Variants in SIL1 observed in about 807,000 individuals in gnomAD.
SIL1 encodes nucleotide exchange factor SIL1.
In SIL1, 40 loss-of-function variants were observed where a neutral mutation model predicts 49.1. That is an observed-to-expected ratio of 0.81 (90% CI 0.63 to 1.06). The LOEUF (loss-of-function observed/expected upper bound fraction) is 1.06, where lower values mean the gene tolerates loss of function less well. Ranked by LOEUF, SIL1 falls within the 50% of genes least tolerant of loss-of-function variation. SIL1 has a pLI of 0.00. For synonymous variants in SIL1, 253 were observed against 250.8 expected (o/e 1.01, Z -0.08); for missense variants, 500 against 572.6 (o/e 0.87, Z 1.29).
Position 139,148,200 on chromosome 5 carries a change from T to C in SIL1, c.-10-20347A>G, listed in dbSNP as rs567854583. 5.3e-5 allele frequency among the ~76,000 whole-genome samples: 8 copies of C among 151,876 alleles called. No individual in the cohort carries two copies. In the East Asian group the frequency reaches 9.7e-4, roughly 18 times the overall value. On this transcript the variant is annotated intron_variant, in intron 1 of 9. Transcript: ENST00000394817. ...TTTAAGAGTGGTATATCACAAAACA[T>C]TCAGGCATGTGTACAGGGGGTACAC...
At chr5:139,143,368 GT>G (rs1751131397) in intron 1 of SIL1, among the ~76,000 whole-genome samples, 2 of 116,384 alleles carry the variant, frequency 1.7e-5, no homozygotes, top group Admixed American at 1.7e-4. Flanking sequence ...TATATATATG[GT>G]TTTTTGTTTT....
intron 3 of SIL1, among the ~76,000 whole-genome samples, chr5:139,073,017 C>T (rs922190674): frequency 6.6e-6 from 1 of 152,278 alleles, no homozygotes; most frequent in Admixed American, 6.5e-5. Flanking sequence ...TATCACCAGA[C>T]ACCTGTCAGA....
In SIL1 at chr5:138,946,990, G is replaced by T; in HGVS notation, c.*127C>A. On this transcript the variant is annotated 3_prime_UTR_variant, in exon 10 of 10. Coordinates refer to ENST00000394817, the MANE Select transcript of SIL1 (RefSeq NM_022464.5). The stretch of plus-strand genomic sequence containing the variant: ...CACAGACACACAGCAGAAAGAGGAT[G>T]GCCTTCAGGTTTCCATTTAATGGCC... 4.0e-6 allele frequency: 3 copies of T among 753,284 alleles called. No homozygotes were observed. Among genetic ancestry groups the T allele is most frequent in the Non-Finnish European group, 7.1e-6 (3 of 423,766 alleles). The allele number at this position is 753,284 out of a possible 1,614,324, so 46.7% of individuals were successfully genotyped here. A position where few individuals can be genotyped will look rare whatever the true frequency, so the allele number is the denominator to read the frequency against.
chr5:139,154,954 T>C (rs1751379634), intron 1 of SIL1, among the ~76,000 whole-genome samples: 1 of 152,120 alleles, frequency 6.6e-6, no homozygotes. Context: ...AAGACAAGTA[T>C]GAAAAACAAG....
intron 3 of SIL1, among the ~76,000 whole-genome samples, chr5:139,057,081 C>A (rs1472439946): frequency 1.3e-5 from 2 of 151,810 alleles, no homozygotes; most frequent in East Asian, 1.9e-4. Flanking sequence ...ATTAAGGGCG[C>A]TGCAAGATGT....
intron 1 of SIL1, among the ~76,000 whole-genome samples, chr5:139,192,024 G>A (rs954139764): frequency 4.2e-5 from 6 of 144,084 alleles, no homozygotes; most frequent in Middle Eastern, 4.0e-3. Context: ...GCAGTGAGCC[G>A]AGATTGTGCC....
chr5:138,995,179 T>C (rs1327237095), intron 7 of SIL1, among the ~76,000 whole-genome samples: 1 of 152,202 alleles, frequency 6.6e-6, no homozygotes, highest in African/African-American at 2.4e-5. Flanking sequence ...ACATGTGCTA[T>C]TTATTACATT....
chr5:138,970,880 T>C (rs1281206958), intron 7 of SIL1, among the ~76,000 whole-genome samples: 1 of 151,124 alleles, frequency 6.6e-6, no homozygotes. Context: ...ATTGCGCCAC[T>C]GCACTCCAGC....
chr5:139,144,669 G>A (rs1017741753), intron 1 of SIL1, among the ~76,000 whole-genome samples: 16 of 152,150 alleles, frequency 1.1e-4, no homozygotes, highest in African/African-American at 2.7e-4. Flanking sequence ...TCAGGAGTTC[G>A]AAACCAGCCT....
At chr5:139,071,618 A>G (rs1769835315) in intron 3 of SIL1, among the ~76,000 whole-genome samples, 1 of 151,976 alleles carries the variant, frequency 6.6e-6, no homozygotes, top group South Asian at 2.1e-4. Flanking sequence ...ATACATTTCT[A>G]TAATTAGGAT....
chr5:139,121,848 G>C (rs1036448424), intron 2 of SIL1, among the ~76,000 whole-genome samples: 1 of 152,306 alleles, frequency 6.6e-6, no homozygotes, highest in Non-Finnish European at 1.5e-5. Flanking sequence ...AGAACATAGA[G>C]GATTAATGAG....
At chr5:139,079,383 C>G (rs1770022751) in intron 3 of SIL1, among the ~76,000 whole-genome samples, 1 of 152,218 alleles carries the variant, frequency 6.6e-6, no homozygotes, top group Admixed American at 6.5e-5. Context: ...CACTACATCT[C>G]TTCTGAGGAC....
intron 3 of SIL1, among the ~76,000 whole-genome samples, chr5:139,117,276 G>A (rs531773137): frequency 1.8e-4 from 28 of 152,212 alleles, no homozygotes; most frequent in Non-Finnish European, 3.7e-4. Context: ...GGGGCTTAGA[G>A]CCAGACAAAT....
At chr5:139,044,611 A>G (rs945566920) in intron 4 of SIL1, among the ~76,000 whole-genome samples, 16 of 152,310 alleles carry the variant, frequency 1.1e-4, no homozygotes, top group African/African-American at 3.6e-4. Flanking sequence ...ACCTAAGTCT[A>G]TGTTTTCTAC....
rs542364814 is a variant in SIL1 at position 139,166,336 on chromosome 5, A to G, written c.-11+31933T>C. ...TAGTATTTACCATTAAATACTTCTT[A>G]TTGCTATTTTAGAGGGTACTCATTC... On this transcript the variant is annotated intron_variant, in intron 1 of 9. Coordinates refer to ENST00000394817, the MANE Select transcript of SIL1 (RefSeq NM_022464.5). 6.6e-5 allele frequency among the ~76,000 whole-genome samples: 10 copies of G among 152,132 alleles called. No individual in the cohort carries two copies. In the South Asian group the frequency reaches 2.1e-3, roughly 32 times the overall value.
At chr5:138,964,804 A>T (rs1416399932) in intron 7 of SIL1, among the ~76,000 whole-genome samples, 1 of 152,242 alleles carries the variant, frequency 6.6e-6, no homozygotes, top group Non-Finnish European at 1.5e-5. Context: ...AAAGAAAAAA[A>T]CATTAAACCA....
intron 4 of SIL1, among the ~76,000 whole-genome samples, chr5:139,049,110 C>T (rs1205909265): frequency 6.6e-6 from 1 of 152,210 alleles, no homozygotes; most frequent in Non-Finnish European, 1.5e-5. Flanking sequence ...AAGGAAAAGA[C>T]TAGGGTAAGA....
chr5:139,037,536 A>G (rs1181432650), intron 5 of SIL1, among the ~76,000 whole-genome samples: 1 of 151,896 alleles, frequency 6.6e-6, no homozygotes, highest in South Asian at 2.1e-4. Flanking sequence ...TTTTTTCTCC[A>G]ATCTATCTTC....
At chr5:139,055,619 CCCCTCTCCCCCTCTCCCCCTCT>C (rs1561844792) in intron 3 of SIL1, among the ~76,000 whole-genome samples, 2 of 93,796 alleles carry the variant, frequency 2.1e-5, no homozygotes, top group Admixed American at 9.9e-5. Flanking sequence ...TCTCCCTCTC[CCCCTCTCCCCCTCTCCCCCTCT>C]CCCTCTCCCC....
Sources: allele counts gnomAD v4.1 joint callset (sites outside exome capture counted in the v4.1 genomes callset), GRCh38; gene constraint gnomAD v4.1.1; transcripts MANE v1.5; gene names NCBI Gene and HGNC (gene_info 2026-07-23, HGNC 2026-07-21).